GPC6: variants seen among roughly 807,000 people sequenced by gnomAD.
GPC6 encodes the protein glypican-6.
GPC6 carries 14 observed loss-of-function variants against 55.2 expected under a neutral mutation model. That is an observed-to-expected ratio of 0.25 (90% CI 0.17 to 0.40). The LOEUF is 0.40. Among genes scored for constraint, GPC6 ranks in the 10% least tolerant of loss-of-function variants. The pLI is 1.00. For synonymous variants in GPC6, 278 were observed against 259.6 expected (o/e 1.07, Z -0.68); for missense variants, 641 against 708.5 (o/e 0.90, Z 1.08).
At chr13:93,743,021 A>G (rs888631236) in intron 2 of GPC6, among the ~76,000 whole-genome samples, 1 of 152,188 alleles carries the variant, frequency 6.6e-6, no homozygotes, top group African/African-American at 2.4e-5. Flanking sequence ...AAGTTACAGG[A>G]AAAACGTGGA....
chr13:94,150,431 C>T (rs1593989680), intron 4 of GPC6, among the ~76,000 whole-genome samples: 1 of 152,142 alleles, frequency 6.6e-6, no homozygotes, highest in Non-Finnish European at 1.5e-5. Flanking sequence ...TTTAGTGTGT[C>T]TTCCAAACCC....
chr13:93,512,871 A>G (rs957408740), intron 1 of GPC6, among the ~76,000 whole-genome samples: 4 of 152,202 alleles, frequency 2.6e-5, no homozygotes, highest in East Asian at 3.8e-4. Context: ...GCAGATAACT[A>G]TAATATCAGA....
At position 93,520,930 on chromosome 13, in the gene GPC6, C is replaced by T. The variant is rs150757344; in HGVS notation, c.161-24333C>T. 4.0e-3 allele frequency among the ~76,000 whole-genome samples: 606 copies of T among 151,836 alleles called. 3 individuals are homozygous for T. Among genetic ancestry groups the T allele is most frequent in the Middle Eastern group, 0.014 (4 of 292 alleles). ...TCTGTCTCGGAACTGATGAGGTGAG[C>T]CAAAGAGTTTCATCTATAGAGTGTG... On this transcript the variant is annotated intron_variant, in intron 1 of 8. Coordinates refer to ENST00000377047, the MANE Select transcript of GPC6 (RefSeq NM_005708.5).
At chr13:93,788,288 G>A (rs1885877198) in intron 2 of GPC6, among the ~76,000 whole-genome samples, 1 of 152,022 alleles carries the variant, frequency 6.6e-6, no homozygotes, top group African/African-American at 2.4e-5. Context: ...AAGGCTCAAG[G>A]GCAGGAGAGT....
Position 94,047,074 on chromosome 13 carries a change from A to T in GPC6, c.877+19180A>T, listed in dbSNP as rs116043962. ...ATAGAACGAATCATTGCAAAAGTCT[A>T]ATCAGGAAGCCAAGTACTAGTTTCT... On this transcript the variant is annotated intron_variant, in intron 4 of 8. Transcript: ENST00000377047. Among the ~76,000 whole-genome samples the T allele has an allele frequency of 5.0e-3, 759 of 152,248 alleles. 11 individuals are homozygous for T. Among genetic ancestry groups the T allele is most frequent in the African/African-American group, 0.018 (728 of 41,564 alleles).
chr13:94,180,971 G>A (rs540855828), intron 4 of GPC6, among the ~76,000 whole-genome samples: 32 of 152,234 alleles, frequency 2.1e-4, no homozygotes, highest in African/African-American at 6.7e-4. Flanking sequence ...ATCAGAAGCA[G>A]CAATTGGGCT....
chr13:94,227,306 T>G (rs1006860184), intron 4 of GPC6, among the ~76,000 whole-genome samples: 7 of 152,168 alleles, frequency 4.6e-5, no homozygotes, highest in Non-Finnish European at 1.0e-4. Flanking sequence ...AGCGTTAGTG[T>G]CTGTAATCTA....
At chr13:93,605,618 C>T (rs1878204549) in intron 2 of GPC6, among the ~76,000 whole-genome samples, 1 of 151,758 alleles carries the variant, frequency 6.6e-6, no homozygotes, top group African/African-American at 2.4e-5. Flanking sequence ...AGGCAAATCA[C>T]CTAAGGTCAG....
At chr13:93,724,621 G>A (rs1449787080) in intron 2 of GPC6, among the ~76,000 whole-genome samples, 1 of 151,796 alleles carries the variant, frequency 6.6e-6, no homozygotes, top group African/African-American at 2.4e-5. Flanking sequence ...ATCGTTTTTT[G>A]GTGATTAATG....
intron 1 of GPC6, among the ~76,000 whole-genome samples, chr13:93,381,425 T>C (rs1875164621): frequency 6.6e-6 from 1 of 152,182 alleles, no homozygotes; most frequent in Non-Finnish European, 1.5e-5. Context: ...CATTGTCTAA[T>C]ATGCCAAATT....
chr13:93,837,830 G>A (rs946230956), intron 3 of GPC6, among the ~76,000 whole-genome samples: 1 of 152,144 alleles, frequency 6.6e-6, no homozygotes, highest in Non-Finnish European at 1.5e-5. Context: ...TTGGGCAGGT[G>A]ATGAGGGCAC....
chr13:93,991,706 A>G (rs891124021), intron 3 of GPC6, among the ~76,000 whole-genome samples: 53 of 152,296 alleles, frequency 3.5e-4, no homozygotes, highest in African/African-American at 1.2e-3. Flanking sequence ...CACACAGGAA[A>G]TAGTAAAGAA....
At chr13:94,020,784 T>C (rs1882664677) in intron 3 of GPC6, among the ~76,000 whole-genome samples, 1 of 152,188 alleles carries the variant, frequency 6.6e-6, no homozygotes, top group Non-Finnish European at 1.5e-5. Flanking sequence ...CTAGGTTTCT[T>C]CTTTCATCCC....
intron 4 of GPC6, among the ~76,000 whole-genome samples, chr13:94,068,060 T>C (rs890609509): frequency 1.3e-5 from 2 of 152,162 alleles, no homozygotes; most frequent in Non-Finnish European, 2.9e-5. Context: ...TCTGGATATG[T>C]CTGTATTGGT....
At chr13:93,832,122 A>AAATATATAT (rs1555334870) in intron 3 of GPC6, among the ~76,000 whole-genome samples, 3 of 12,052 alleles carry the variant, frequency 2.5e-4, no homozygotes, top group Non-Finnish European at 1.2e-4. Flanking sequence ...AAAAAAAAAA[A>AAATATATAT]ATATATATAT....
At chr13:93,229,177 A>G (rs1350745941) in intron 1 of GPC6, among the ~76,000 whole-genome samples, 1 of 152,148 alleles carries the variant, frequency 6.6e-6, no homozygotes, top group Non-Finnish European at 1.5e-5. Flanking sequence ...TAAGTTTCTT[A>G]ACTCTCCTTC....
chr13:93,647,991 T>C (rs528818438), intron 2 of GPC6, among the ~76,000 whole-genome samples: 1 of 152,236 alleles, frequency 6.6e-6, no homozygotes, highest in Admixed American at 6.5e-5. Context: ...TGGAATGGGC[T>C]GTAAGGACTC....
At chr13:94,254,962 C>A (rs916994465) in intron 4 of GPC6, among the ~76,000 whole-genome samples, 1 of 152,110 alleles carries the variant, frequency 6.6e-6, no homozygotes, top group Non-Finnish European at 1.5e-5. Context: ...ATCTGGAAAG[C>A]ATTTGAAACA....
rs148493037 is a variant in GPC6 at position 94,343,376 on chromosome 13, C to A, written c.1152+37253C>A. ...GCCTTTGCCTCCGCACAAAAGCACA[C>A]GGCCTCTCATTTCATGGGGCTGATC... On this transcript the variant is annotated intron_variant, in intron 6 of 8. Coordinates refer to ENST00000377047, the MANE Select transcript of GPC6 (RefSeq NM_005708.5). Among the ~76,000 whole-genome samples, 13 of 152,268 alleles carry A rather than the reference C, an allele frequency of 8.5e-5. No homozygotes were observed. The East Asian group carries it at 1.5e-3, about 18-fold the overall frequency.
Sources: gnomAD v4.1 joint callset for allele counts (sites outside exome capture counted in the v4.1 genomes callset) on GRCh38, gnomAD v4.1.1 for gene constraint, MANE v1.5 for transcripts, NCBI Gene and HGNC (gene_info 2026-07-23, HGNC 2026-07-21) for gene names.